CSMD1: variants seen among roughly 807,000 people sequenced by gnomAD.
The protein encoded by CSMD1 is CUB and Sushi multiple domains 1.
A neutral mutation model predicts 417.5 loss-of-function variants in CSMD1; 213 were observed. The observed-to-expected ratio is 0.51, with a 90% confidence interval of 0.46 to 0.57. The LOEUF (loss-of-function observed/expected upper bound fraction) is 0.57, where lower values mean the gene tolerates loss of function less well. Ranked by LOEUF, CSMD1 falls within the 20% of genes least tolerant of loss-of-function variation. The pLI is 0.00. For missense variants in CSMD1, 6,923 were observed against 4,529.7 expected, an observed-to-expected ratio of 1.53 and a Z score of -15.17; for synonymous variants, 2,862 against 1,736.8, an observed-to-expected ratio of 1.65 and a Z score of -16.11.
intron 1 of CSMD1, among the ~76,000 whole-genome samples, chr8:4,721,072 G>A (rs1809023958): frequency 1.3e-5 from 2 of 152,150 alleles, no homozygotes; most frequent in African/African-American, 2.4e-5. Context: ...CCTCTCAAGA[G>A]TAACATGAGG....
At chr8:3,043,686 T>C (rs949721655) in intron 50 of CSMD1, 2 of 152,120 alleles carry the variant, frequency 1.3e-5, no homozygotes, top group Non-Finnish European at 2.9e-5. Context: ...AATCACACAT[T>C]TATTAAACAT....
At chr8:4,675,571 G>T (rs756981412) in intron 1 of CSMD1, among the ~76,000 whole-genome samples, 2 of 152,144 alleles carry the variant, frequency 1.3e-5, no homozygotes, top group African/African-American at 2.4e-5. Flanking sequence ...AGACAATAAA[G>T]GCCTAAGTTG....
At chr8:3,633,478 T>G (rs1563217456) in intron 7 of CSMD1, among the ~76,000 whole-genome samples, 1 of 152,180 alleles carries the variant, frequency 6.6e-6, no homozygotes, top group African/African-American at 2.4e-5. Context: ...TACAAGTCTG[T>G]TCCCAATTTA....
chr8:4,717,879 T>C (rs1487910073), intron 1 of CSMD1, among the ~76,000 whole-genome samples: 2 of 152,194 alleles, frequency 1.3e-5, no homozygotes, highest in Non-Finnish European at 2.9e-5. Flanking sequence ...TTTTATTAAA[T>C]TATCTAAAAA....
chr8:4,372,847 A>G (rs1234635234), intron 3 of CSMD1, among the ~76,000 whole-genome samples: 4 of 152,214 alleles, frequency 2.6e-5, no homozygotes, highest in African/African-American at 7.2e-5. Flanking sequence ...TTTCCAGTGC[A>G]GAAGACTACA....
chr8:4,384,166 T>G (rs1193436668), intron 3 of CSMD1, among the ~76,000 whole-genome samples: 4 of 152,170 alleles, frequency 2.6e-5, no homozygotes, highest in African/African-American at 7.2e-5. Flanking sequence ...ATGCCAGGAT[T>G]CTCTAAGAAA....
chr8:4,218,561 G>C (rs575331077), intron 3 of CSMD1, among the ~76,000 whole-genome samples: 29 of 152,222 alleles, frequency 1.9e-4, no homozygotes, highest in African/African-American at 6.0e-4. Context: ...GAGTCAAGTT[G>C]TCTATGTTCT....
intron 4 of CSMD1, among the ~76,000 whole-genome samples, chr8:4,019,493 C>T (rs185868411): frequency 3.9e-5 from 6 of 152,102 alleles, no homozygotes; most frequent in Non-Finnish European, 7.3e-5. Flanking sequence ...TACTGGGGCC[C>T]ATTGCATGAA....
At chr8:3,885,464 T>A (rs1806497937) in intron 5 of CSMD1, among the ~76,000 whole-genome samples, 1 of 152,154 alleles carries the variant, frequency 6.6e-6, no homozygotes, top group Non-Finnish European at 1.5e-5. Flanking sequence ...AGTACAAATT[T>A]CTGCTTTTCT....
At chr8:4,826,006 G>C (rs1433562104) in intron 1 of CSMD1, among the ~76,000 whole-genome samples, 1 of 151,994 alleles carries the variant, frequency 6.6e-6, no homozygotes, top group Non-Finnish European at 1.5e-5. Flanking sequence ...GGAGGATGTG[G>C]AGAAATTAGA....
intron 2 of CSMD1, among the ~76,000 whole-genome samples, chr8:4,512,395 C>G (rs765874778): frequency 6.6e-5 from 10 of 152,314 alleles, no homozygotes; most frequent in Admixed American, 1.3e-4. Context: ...CAAATGTCCC[C>G]TTTCACCACT....
chr8:4,032,968 C>A (rs112582612), intron 3 of CSMD1, among the ~76,000 whole-genome samples: 3 of 151,846 alleles, frequency 2.0e-5, no homozygotes, highest in African/African-American at 7.3e-5. Flanking sequence ...AATTCCGATA[C>A]GAAACACTGA....
chr8:4,602,345 G>T (rs1032069291), intron 2 of CSMD1, among the ~76,000 whole-genome samples: 2 of 152,108 alleles, frequency 1.3e-5, no homozygotes, highest in Non-Finnish European at 2.9e-5. Flanking sequence ...AGCAGATAAG[G>T]AAGCTGAAAC....
intron 2 of CSMD1, among the ~76,000 whole-genome samples, chr8:4,519,641 G>C (rs1803320715): frequency 6.8e-6 from 1 of 147,184 alleles, no homozygotes; most frequent in Non-Finnish European, 1.5e-5. Flanking sequence ...TCCTCCAGAA[G>C]CTGAGGCAGG....
At chr8:4,035,911 C>G (rs1390929954) in intron 3 of CSMD1, among the ~76,000 whole-genome samples, 1 of 152,204 alleles carries the variant, frequency 6.6e-6, no homozygotes, top group Non-Finnish European at 1.5e-5. Flanking sequence ...CACACACAGA[C>G]TCACCCAGAG....
chr8:3,024,756 GA>G (rs1241634123), intron 51 of CSMD1, among the ~76,000 whole-genome samples: 6 of 152,130 alleles, frequency 3.9e-5, no homozygotes, highest in African/African-American at 1.2e-4. Context: ...CCATGTTGAG[GA>G]ACTCAATATT....
chr8:4,147,850 G>T (rs1464195397), intron 3 of CSMD1, among the ~76,000 whole-genome samples: 1 of 152,108 alleles, frequency 6.6e-6, no homozygotes, highest in African/African-American at 2.4e-5. Flanking sequence ...TCTCTGGTCT[G>T]GAAATGGTAG....
intron 1 of CSMD1, among the ~76,000 whole-genome samples, chr8:4,716,683 C>A (rs148438926): frequency 6.6e-6 from 1 of 152,164 alleles, no homozygotes; most frequent in Non-Finnish European, 1.5e-5. Context: ...CTAAATATAT[C>A]TGATAATTAG....
At chr8:3,326,839 C>G (rs183449701) in intron 23 of CSMD1, among the ~76,000 whole-genome samples, 1 of 152,164 alleles carries the variant, frequency 6.6e-6, no homozygotes, top group African/African-American at 2.4e-5. Context: ...AATGCCTTTT[C>G]AGGATTCTTA....
Sources: allele counts gnomAD v4.1 joint callset (sites outside exome capture counted in the v4.1 genomes callset), GRCh38; gene constraint gnomAD v4.1.1; transcripts MANE v1.5; gene names NCBI Gene and HGNC (gene_info 2026-07-23, HGNC 2026-07-21).